The following FARS2 variants were observed in gnomAD, a reference collection of about 807,000 sequenced individuals.
The protein encoded by FARS2 is phenylalanyl-tRNA synthetase 2, mitochondrial, also known as phenylalanine--tRNA ligase, mitochondrial.
A neutral mutation model predicts 46.4 loss-of-function variants in FARS2; 40 were observed. That is an observed-to-expected ratio of 0.86 (90% CI 0.67 to 1.12). The LOEUF is 1.12. FARS2 is among the 50% of genes most tolerant of loss of function. FARS2 has a pLI of 0.00. For synonymous variants in FARS2, 234 were observed against 214.9 expected, an observed-to-expected ratio of 1.09 and a Z score of -0.78; for missense variants, 513 against 567.9, an observed-to-expected ratio of 0.90 and a Z score of 0.98.
chr6:5,334,958 T>C (rs757868972), intron 1 of FARS2, among the ~76,000 whole-genome samples: 7 of 152,186 alleles, frequency 4.6e-5, no homozygotes, highest in Non-Finnish European at 8.8e-5. Flanking sequence ...CAAGCCCTGT[T>C]TTGAGAAGCA....
At chr6:5,728,982 A>G (rs1282288115) in intron 6 of FARS2, among the ~76,000 whole-genome samples, 8 of 152,192 alleles carry the variant, frequency 5.3e-5, no homozygotes, top group Non-Finnish European at 1.0e-4. Flanking sequence ...TGCTCTTGAC[A>G]GTGGCCTGTT....
Position 5,765,486 on chromosome 6 carries a change from T to G in FARS2, c.1218-5805T>G, listed in dbSNP as rs977762316. Among the ~76,000 whole-genome samples, 1 of 152,196 alleles carries G rather than the reference T, an allele frequency of 6.6e-6. No homozygotes were observed. Among genetic ancestry groups the G allele is most frequent in the African/African-American group, 2.4e-5 (1 of 41,456 alleles). On this transcript the variant is annotated intron_variant, in intron 6 of 6. Coordinates refer to ENST00000274680, the MANE Select transcript of FARS2 (RefSeq NM_006567.5). The surrounding 1 kb of genome is among the most constrained non-coding windows in gnomAD (Gnocchi z 4.0). ...AGGGAGCGTGGGCTGTCTTATATTC[T>G]GTTTGCCCCTCTCAAGAGGTAAGCT...
chr6:5,332,624 G>A (rs551714396), intron 1 of FARS2, among the ~76,000 whole-genome samples: 1 of 152,302 alleles, frequency 6.6e-6, no homozygotes, highest in East Asian at 1.9e-4. Context: ...CGCTAACTCA[G>A]AGAACCTTAC....
At chr6:5,755,105 C>G (rs1370081806) in intron 6 of FARS2, among the ~76,000 whole-genome samples, 1 of 152,220 alleles carries the variant, frequency 6.6e-6, no homozygotes, top group African/African-American at 2.4e-5. Context: ...GAGTTGTCTT[C>G]CAATTTACTC....
intron 6 of FARS2, among the ~76,000 whole-genome samples, chr6:5,762,658 G>A (rs760932414): frequency 3.3e-5 from 5 of 152,250 alleles, no homozygotes; most frequent in Non-Finnish European, 7.3e-5. Context: ...CGTTGCCGAC[G>A]TGTGCTGGCT....
intron 1 of FARS2, among the ~76,000 whole-genome samples, chr6:5,358,433 CAAAAAT>C (rs1758076784): frequency 6.6e-6 from 1 of 151,974 alleles, no homozygotes; most frequent in African/African-American, 2.4e-5. Context: ...TTGTTAAAAA[CAAAAAT>C]AAATGATTTT....
chr6:5,609,363 A>C (rs369651334), intron 5 of FARS2: 5 of 1,250,540 alleles, frequency 4.0e-6, no homozygotes, highest in Non-Finnish European at 5.8e-6. Context: ...TCCTCCCTTC[A>C]TGGGTCCAAA....
At chr6:5,746,030 A>G (rs148278211) in intron 6 of FARS2, among the ~76,000 whole-genome samples, 2 of 152,314 alleles carry the variant, frequency 1.3e-5, no homozygotes, top group East Asian at 3.9e-4. Context: ...TTCCTCTCCA[A>G]TTCATATTTT....
At chr6:5,598,063 C>T (rs1284484059) in intron 5 of FARS2, among the ~76,000 whole-genome samples, 1 of 152,032 alleles carries the variant, frequency 6.6e-6, no homozygotes, top group Non-Finnish European at 1.5e-5. Flanking sequence ...CTTTCCTTGC[C>T]CAGAGCAACT....
intron 1 of FARS2, among the ~76,000 whole-genome samples, chr6:5,268,426 A>G (rs992580240): frequency 1.3e-5 from 2 of 152,220 alleles, no homozygotes; most frequent in Admixed American, 1.3e-4. Context: ...ACATATGGCT[A>G]GCCAGTTTTC....
chr6:5,535,539 C>G (rs867473688), intron 4 of FARS2, among the ~76,000 whole-genome samples: 1 of 152,136 alleles, frequency 6.6e-6, no homozygotes, highest in African/African-American at 2.4e-5. Flanking sequence ...ACTTTTAGTG[C>G]TATACTGACT....
At chr6:5,546,577 T>C (rs186653485) in intron 5 of FARS2, among the ~76,000 whole-genome samples, 1 of 152,124 alleles carries the variant, frequency 6.6e-6, no homozygotes, top group Non-Finnish European at 1.5e-5. Context: ...CCAACAATTC[T>C]ACTCCATTCA....
At chr6:5,379,829 A>G (rs1759637177) in intron 2 of FARS2, among the ~76,000 whole-genome samples, 1 of 152,180 alleles carries the variant, frequency 6.6e-6, no homozygotes. Context: ...TTCCTTTGCC[A>G]TGTCCCTCCA....
At chr6:5,296,624 G>A (rs907728431) in intron 1 of FARS2, among the ~76,000 whole-genome samples, 11 of 152,100 alleles carry the variant, frequency 7.2e-5, no homozygotes, top group Non-Finnish European at 1.6e-4. Context: ...TCTACTTTCT[G>A]TCTCTGAATT....
intron 6 of FARS2, among the ~76,000 whole-genome samples, chr6:5,709,558 T>C (rs1383391059): frequency 6.6e-6 from 1 of 152,182 alleles, no homozygotes; most frequent in Non-Finnish European, 1.5e-5. Context: ...AAAAATGGTT[T>C]GCACATCTTT....
chr6:5,341,220 TATATATATATATA>T (rs1413518236), intron 1 of FARS2, among the ~76,000 whole-genome samples: 226 of 7,682 alleles, frequency 0.029, 22 homozygotes, highest in Non-Finnish European at 0.034. Flanking sequence ...TATATATATA[TATATATATATATA>T]TATTTTTTTT....
At chr6:5,251,110 T>C in the FARS2 span, among the ~76,000 whole-genome samples, 1 of 152,196 alleles carries the variant, frequency 6.6e-6, no homozygotes, top group Non-Finnish European at 1.5e-5. Flanking sequence ...ACTACAATCT[T>C]GTGACAGCAG....
chr6:5,443,665 G>A (rs1315462129), intron 4 of FARS2, among the ~76,000 whole-genome samples: 1 of 152,214 alleles, frequency 6.6e-6, no homozygotes, highest in Non-Finnish European at 1.5e-5. Context: ...AGCCAGTCTG[G>A]ACCAGCTGAG....
intron 6 of FARS2, among the ~76,000 whole-genome samples, chr6:5,643,756 C>G (rs1012077330): frequency 6.6e-6 from 1 of 152,114 alleles, no homozygotes; most frequent in African/African-American, 2.4e-5. Flanking sequence ...CACAGTCTAC[C>G]AGCCTGAGCA....
Sources: allele counts gnomAD v4.1 joint callset (sites outside exome capture counted in the v4.1 genomes callset), GRCh38; gene constraint gnomAD v4.1.1; non-coding constraint Gnocchi (gnomAD v3.1); transcripts MANE v1.5; gene names NCBI Gene and HGNC (gene_info 2026-07-23, HGNC 2026-07-21).